CENPK: variants seen among roughly 807,000 people sequenced by gnomAD.
The protein encoded by CENPK is SoxLZ/Sox6-binding protein Solt.
Under a neutral mutation model 40.9 loss-of-function variants are expected in CENPK, and 46 were observed. The ratio of observed to expected loss-of-function variants is 1.13; its 90% CI spans 0.89 to 1.44. The LOEUF (loss-of-function observed/expected upper bound fraction) is 1.44, where lower values mean the gene tolerates loss of function less well. Among genes scored for constraint, CENPK ranks in the 40% most tolerant of loss-of-function variants. The pLI is 0.00. For synonymous variants in CENPK, 107 were observed against 104.4 expected, an observed-to-expected ratio of 1.02 and a Z score of -0.15; for missense variants, 288 against 303.5, an observed-to-expected ratio of 0.95 and a Z score of 0.38.
chr5:65,545,584 A>G (rs1748789153), intron 5 of CENPK, among the ~76,000 whole-genome samples: 1 of 152,210 alleles, frequency 6.6e-6, no homozygotes, highest in African/African-American at 2.4e-5. Flanking sequence ...TCACCAGCAG[A>G]CCAACTCTAA....
chr5:65,547,210 T>C (rs1223673948), intron 5 of CENPK, among the ~76,000 whole-genome samples: 1 of 151,922 alleles, frequency 6.6e-6, no homozygotes, highest in East Asian at 1.9e-4. Flanking sequence ...CTGGCCAACA[T>C]GGCAAAACCC....
intron 6 of CENPK, among the ~76,000 whole-genome samples, chr5:65,540,007 C>A (rs568357873): frequency 3.3e-5 from 5 of 152,340 alleles, no homozygotes; most frequent in African/African-American, 1.2e-4. Flanking sequence ...ACATTGCATT[C>A]TTCCATTGTC....
intron 6 of CENPK, among the ~76,000 whole-genome samples, chr5:65,534,589 G>T (rs1043324732): frequency 2.6e-5 from 4 of 152,028 alleles, no homozygotes; most frequent in Non-Finnish European, 5.9e-5. Flanking sequence ...CATATACATG[G>T]TCATTAATTT....
At chr5:65,502,392 G>T in the CENPK span, among the ~76,000 whole-genome samples, 1 of 152,144 alleles carries the variant, frequency 6.6e-6, no homozygotes, top group Non-Finnish European at 1.5e-5. Flanking sequence ...CCACTTTTCA[G>T]ATATTTCCTA....
At chr5:65,542,358 G>A (rs1281253995) in intron 6 of CENPK, among the ~76,000 whole-genome samples, 3 of 152,178 alleles carry the variant, frequency 2.0e-5, no homozygotes, top group Non-Finnish European at 4.4e-5. Context: ...AAATCTTTAG[G>A]CCAGGTGTGG....
At chr5:65,554,259 A>G (rs1750613476) in intron 3 of CENPK, among the ~76,000 whole-genome samples, 1 of 151,768 alleles carries the variant, frequency 6.6e-6, no homozygotes, top group South Asian at 2.1e-4. Context: ...CTCCTGTCTC[A>G]GCCTGTCTTA....
chr5:65,539,973 G>C (rs749821965), intron 6 of CENPK, among the ~76,000 whole-genome samples: 27 of 152,244 alleles, frequency 1.8e-4, no homozygotes, highest in African/African-American at 2.4e-4. Flanking sequence ...ATGGCCCAAG[G>C]TCCCACAGAC....
chr5:65,519,097 A>G (rs1196384839), intron 10 of CENPK, among the ~76,000 whole-genome samples: 5 of 152,128 alleles, frequency 3.3e-5, no homozygotes, highest in Non-Finnish European at 7.4e-5. Context: ...CACTTCCTTC[A>G]GCTTCATCCT....
downstream of CENPK, among the ~76,000 whole-genome samples, chr5:65,516,945 C>CTT (rs972672611): frequency 6.8e-6 from 1 of 147,748 alleles, no homozygotes. Context: ...ATAAGGATTA[C>CTT]TTTTTTTTTT....
intron 9 of CENPK, among the ~76,000 whole-genome samples, chr5:65,523,699 C>A (rs2150351510): frequency 6.6e-6 from 1 of 152,162 alleles, no homozygotes; most frequent in Admixed American, 6.5e-5. Flanking sequence ...AAGAAAATTT[C>A]TATGAAACAA....
At chr5:65,542,777 A>C in intron 6 of CENPK, 25 bp downstream of exon 6, 1 of 1,568,806 alleles carries the variant, frequency 6.4e-7, no homozygotes, top group Non-Finnish European at 8.7e-7. Flanking sequence ...ATTTGGGGTC[A>C]CTACAAATTC....
chr5:65,508,473 A>T, the CENPK span, among the ~76,000 whole-genome samples: 1 of 152,208 alleles, frequency 6.6e-6, no homozygotes. Context: ...AAAATAGTTC[A>T]CATACACGAA....
At chr5:65,538,908 T>C (rs959571764) in intron 6 of CENPK, among the ~76,000 whole-genome samples, 1 of 152,170 alleles carries the variant, frequency 6.6e-6, no homozygotes, top group African/African-American at 2.4e-5. Context: ...TGATTTTAGC[T>C]CCACACTTGA....
At chr5:65,507,334 A>C in the CENPK span, among the ~76,000 whole-genome samples, 1 of 152,166 alleles carries the variant, frequency 6.6e-6, no homozygotes, top group Admixed American at 6.5e-5. Context: ...TAAATCACTA[A>C]AAAGGATTCA....
chr5:65,521,258 T>A (rs577939084), intron 10 of CENPK, among the ~76,000 whole-genome samples: 1 of 152,242 alleles, frequency 6.6e-6, no homozygotes, highest in East Asian at 1.9e-4. Flanking sequence ...AGACCTTAAA[T>A]TCACATTATT....
At chr5:65,544,139 T>C (rs751524481) in intron 5 of CENPK, among the ~76,000 whole-genome samples, 1 of 152,208 alleles carries the variant, frequency 6.6e-6, no homozygotes, top group African/African-American at 2.4e-5. Flanking sequence ...ATTAGAATAT[T>C]CAGTGCCTTG....
chr5:65,560,350 G>A (rs1751749288), intron 2 of CENPK, among the ~76,000 whole-genome samples: 3 of 152,016 alleles, frequency 2.0e-5, no homozygotes, highest in Admixed American at 1.3e-4. Context: ...AAAAAGTCAG[G>A]TTACCAATTA....
At chr5:65,523,643 A>G (rs1489454933) in intron 9 of CENPK, among the ~76,000 whole-genome samples, 2 of 152,216 alleles carry the variant, frequency 1.3e-5, no homozygotes, top group African/African-American at 4.8e-5. Context: ...GATACAGGTT[A>G]AATTATAAAG....
chr5:65,541,264 T>C, intron 6 of CENPK: 1 of 413,132 alleles, frequency 2.4e-6, no homozygotes, highest in East Asian at 7.3e-5. Flanking sequence ...CCAGTCAGAA[T>C]ACAGGCGACA....
Sources: gnomAD v4.1 joint callset for allele counts (sites outside exome capture counted in the v4.1 genomes callset) on GRCh38, gnomAD v4.1.1 for gene constraint, MANE v1.5 for transcripts, NCBI Gene and HGNC (gene_info 2026-07-23, HGNC 2026-07-21) for gene names.